The following PCGF5 variants were observed in gnomAD, a reference collection of about 807,000 sequenced individuals.
PCGF5 encodes the protein polycomb group RING finger protein 5.
PCGF5 carries 9 observed loss-of-function variants against 44.3 expected under a neutral mutation model. The ratio of observed to expected loss-of-function variants is 0.20; its 90% CI spans 0.12 to 0.35. The LOEUF is 0.35. Among genes scored for constraint, PCGF5 ranks in the 10% least tolerant of loss-of-function variants. The pLI is 1.00. For missense variants in PCGF5, 146 were observed against 305.3 expected (o/e 0.48, Z 3.89); for synonymous variants, 95 against 102.5 (o/e 0.93, Z 0.44).
chr10:91,249,756 CAA>C (rs1284526632), intron 5 of PCGF5, among the ~76,000 whole-genome samples: 2 of 151,516 alleles, frequency 1.3e-5, no homozygotes, highest in Non-Finnish European at 2.9e-5. Context: ...AATAAGGTAA[CAA>C]GAGACTATTT....
intron 1 of PCGF5, among the ~76,000 whole-genome samples, chr10:91,169,202 A>T (rs531825580): frequency 6.6e-6 from 1 of 152,298 alleles, no homozygotes; most frequent in East Asian, 1.9e-4. Context: ...CCCAATTTTA[A>T]TCTTAAAAGA....
intron 1 of PCGF5, among the ~76,000 whole-genome samples, chr10:91,191,888 CT>C (rs1844040156): frequency 6.6e-6 from 1 of 152,154 alleles, no homozygotes; most frequent in African/African-American, 2.4e-5. Flanking sequence ...ATTTTAAATG[CT>C]TAAAGGAATA....
intron 1 of PCGF5, among the ~76,000 whole-genome samples, chr10:91,188,082 T>TC (rs1014828146): frequency 9.2e-5 from 14 of 152,176 alleles, no homozygotes; most frequent in Non-Finnish European, 1.9e-4. Context: ...ACCCGTTAAC[T>TC]CCCCCGAACA....
intron 2 of PCGF5, among the ~76,000 whole-genome samples, chr10:91,238,551 G>C (rs1845230606): frequency 1.4e-5 from 2 of 145,770 alleles, no homozygotes; most frequent in South Asian, 4.4e-4. Flanking sequence ...CTCCATGTCA[G>C]GATCAGGCTT....
At chr10:91,217,659 C>T (rs1844568597), upstream of PCGF5, among the ~76,000 whole-genome samples, 1 of 152,166 alleles carries the variant, frequency 6.6e-6, no homozygotes, top group African/African-American at 2.4e-5. Flanking sequence ...TGGGATTATG[C>T]TTCTTTGATA....
At chr10:91,221,786 T>C (rs1311551607) in intron 1 of PCGF5, among the ~76,000 whole-genome samples, 3 of 150,658 alleles carry the variant, frequency 2.0e-5, no homozygotes, top group African/African-American at 7.3e-5. Context: ...CTACTAAATA[T>C]GACCAGTTTC....
In PCGF5 at chr10:91,261,420, A is replaced by C; in HGVS notation, c.569A>C (p.Tyr190Ser). The change falls in exon 7 of 10, where the codon TAT becomes TCT. Residue 190 changes from tyrosine to serine, a missense_variant. Coordinates refer to ENST00000336126, the MANE Select transcript of PCGF5 (RefSeq NM_032373.5). Reference sequence around the variant, plus strand: ...TTAAAACTAAAACTTCCAAGTTCTTATGAGGTAAGTTAAATAATATCTAAG... The same window carrying C: ...TTAAAACTAAAACTTCCAAGTTCTTCTGAGGTAAGTTAAATAATATCTAAG... ...LSLKLKLPSSYELDVLCNGEI... is the reference protein window; with the variant it reads ...LSLKLKLPSSSELDVLCNGEI... 6.9e-7 allele frequency: 1 copy of C among 1,458,168 alleles called. No homozygotes were observed. The highest frequency in any genetic ancestry group is 9.2e-7 in the Non-Finnish European group (1 of 1,086,554). 90.3% of individuals were successfully genotyped at this position (1,458,168 alleles called of 1,614,324 possible). A position where few individuals can be genotyped will look rare whatever the true frequency, so the allele number is the denominator to read the frequency against.
chr10:91,239,214 G>A (rs1305389330), intron 2 of PCGF5, among the ~76,000 whole-genome samples: 1 of 152,114 alleles, frequency 6.6e-6, no homozygotes, highest in Non-Finnish European at 1.5e-5. Flanking sequence ...AGCTCCATAA[G>A]AATTTGGGCT....
chr10:91,225,576 C>T (rs995954503), intron 2 of PCGF5, among the ~76,000 whole-genome samples: 4 of 151,678 alleles, frequency 2.6e-5, no homozygotes, highest in South Asian at 4.1e-4. Context: ...CTGAGGATTC[C>T]GGTAGCACTA....
intron 1 of PCGF5, among the ~76,000 whole-genome samples, chr10:91,185,503 G>A (rs568216109): frequency 1.6e-4 from 24 of 152,262 alleles, no homozygotes; most frequent in South Asian, 1.0e-3. Context: ...AGTGAGGCCC[G>A]CTGACCATCA....
At chr10:91,183,203 C>T (rs1330656395) in intron 1 of PCGF5, among the ~76,000 whole-genome samples, 1 of 152,108 alleles carries the variant, frequency 6.6e-6, no homozygotes, top group East Asian at 1.9e-4. Context: ...GTTAAAGTCT[C>T]CCACTATTAT....
intron 7 of PCGF5, 112 bp downstream of exon 7, chr10:91,261,536 G>C: frequency 8.2e-7 from 1 of 1,226,936 alleles, no homozygotes; most frequent in Non-Finnish European, 1.0e-6. Flanking sequence ...TGGAAACTTT[G>C]ATTATTTTTG....
rs1564628426 is a variant in PCGF5, at chr10:91,187,379, T to C, written c.-184+24298T>C. Among the ~76,000 whole-genome samples, 5 of 152,144 alleles carry C rather than the reference T, an allele frequency of 3.3e-5. No individual in the cohort carries two copies. The South Asian group carries it at 6.2e-4, about 19-fold the overall frequency. On this transcript the variant is annotated intron_variant, in intron 1 of 9. Coordinates refer to the PCGF5 transcript ENST00000614189. ...TGTAGTGATCTGGCAGGCACCTTAC[T>C]GAGCTTTTATGATGTGAATGCACCT...
intron 2 of PCGF5, among the ~76,000 whole-genome samples, chr10:91,225,041 A>G (rs1001619741): frequency 2.0e-5 from 3 of 151,996 alleles, no homozygotes; most frequent in East Asian, 1.9e-4. Flanking sequence ...AAACTCTCGC[A>G]TTTCTATCTA....
At chr10:91,271,784 T>A in intron 9 of PCGF5, 87 bp downstream of exon 9, 2 of 1,157,946 alleles carry the variant, frequency 1.7e-6, no homozygotes, top group Non-Finnish European at 2.6e-6. Flanking sequence ...CTAAGACATT[T>A]AACTTTGTAA....
chr10:91,207,164 AT>A (rs917923923), intron 1 of PCGF5, among the ~76,000 whole-genome samples: 7 of 152,150 alleles, frequency 4.6e-5, no homozygotes, highest in Non-Finnish European at 8.8e-5. Context: ...TTAAAGAGGA[AT>A]TTTTTCAGCC....
At chr10:91,261,270 A>G (rs1425057121) in intron 6 of PCGF5, 56 bp from the exon 7 acceptor site, 2 of 1,405,180 alleles carry the variant, frequency 1.4e-6, no homozygotes, top group East Asian at 2.6e-5. Context: ...ACCAGAAGCA[A>G]GATAGAACAT....
chr10:91,173,180 A>G (rs7899233), intron 1 of PCGF5, among the ~76,000 whole-genome samples: 93,635 of 152,102 alleles, frequency 0.62, 31,242 homozygotes, highest in African/African-American at 0.88. Flanking sequence ...ACACTGTGAT[A>G]TTTAAGAGCT....
At chr10:91,173,375 T>C (rs1447558846) in intron 1 of PCGF5, among the ~76,000 whole-genome samples, 1 of 152,204 alleles carries the variant, frequency 6.6e-6, no homozygotes, top group Non-Finnish European at 1.5e-5. Flanking sequence ...TTCTGCCTTT[T>C]TATTTCTCTT....
Sources: allele counts gnomAD v4.1 joint callset (sites outside exome capture counted in the v4.1 genomes callset), GRCh38; gene constraint gnomAD v4.1.1; transcripts MANE v1.5; gene names NCBI Gene and HGNC (gene_info 2026-07-23, HGNC 2026-07-21).